PFKFB1: variants seen among roughly 807,000 people sequenced by gnomAD.
PFKFB1 encodes the protein 6-phosphofructo-2-kinase/fructose-2,6-biphosphatase 1, also known as 6-phosphofructo-2-kinase/fructose-2,6-bisphosphatase 1.
In PFKFB1, 34 loss-of-function variants were observed where a neutral mutation model predicts 46.4. The observed-to-expected ratio is 0.73, with a 90% CI of 0.56 to 0.98. The LOEUF is 0.98. Among genes scored for constraint, PFKFB1 ranks in the 50% least tolerant of loss-of-function variants. The pLI, the probability that PFKFB1 is intolerant of heterozygous loss-of-function variation, is 0.00. For missense variants in PFKFB1, 393 were observed against 376.3 expected (o/e 1.04, Z -0.37); for synonymous variants, 119 against 133.8 (o/e 0.89, Z 0.76).
intron 6 of PFKFB1, among the ~76,000 whole-genome samples, chrX:54,957,876 T>A (rs1312894034): frequency 9.0e-6 from 1 of 111,146 alleles, no homozygotes; most frequent in Non-Finnish European, 1.9e-5. Context: ...CAGTGATAGT[T>A]CTGGTATGAA....
chrX:54,998,388 C>A, upstream of PFKFB1: 1 of 1,143,376 alleles, frequency 8.7e-7, no homozygotes. Flanking sequence ...TGCCTACTTT[C>A]CCTTCTTTCT....
chrX:54,972,239 A>T (rs1230495288), intron 1 of PFKFB1, among the ~76,000 whole-genome samples: 1 of 110,577 alleles, frequency 9.0e-6, no homozygotes, highest in African/African-American at 3.3e-5. Flanking sequence ...AGATTTTGGG[A>T]TGAGACAATG....
At chrX:54,945,657 G>A in intron 9 of PFKFB1, 114 bp from the exon 10 acceptor site, 2 of 502,410 alleles carry the variant, frequency 4.0e-6, no homozygotes. Context: ...GGGTCTCTGT[G>A]AACACAGCTC....
At chrX:54,956,644 G>A (rs1486769635) in intron 6 of PFKFB1, among the ~76,000 whole-genome samples, 1 of 111,074 alleles carries the variant, frequency 9.0e-6, no homozygotes, top group Non-Finnish European at 1.9e-5. Context: ...GTGTTTACCG[G>A]GAGATTATGA....
At chrX:54,933,712 G>T in intron 13 of PFKFB1, 109 bp downstream of exon 13, 1 of 664,852 alleles carries the variant, frequency 1.5e-6, no homozygotes, top group Non-Finnish European at 2.4e-6. Flanking sequence ...CCATCTGTTG[G>T]TGCAAAACAC....
intron 1 of PFKFB1, among the ~76,000 whole-genome samples, chrX:54,974,126 C>A (rs750630246): frequency 9.0e-6 from 1 of 111,358 alleles, no homozygotes; most frequent in South Asian, 3.8e-4. Context: ...TCCTGAAACT[C>A]ATATGGAAGG....
Position 54,984,948 on chromosome X carries a change from T to C in PFKFB1, c.97+8963A>G, listed in dbSNP as rs778556615. ...TCACAGGGTAGGTTCCACACCAGGA[T>C]AGGCAAACTAAGACCAGAAGCTGCT... On this transcript the variant is annotated intron_variant, in intron 1 of 13. Coordinates refer to ENST00000375006, the MANE Select transcript of PFKFB1 (RefSeq NM_002625.4). 2.7e-5 allele frequency among the ~76,000 whole-genome samples: 3 copies of C among 110,744 alleles called. No homozygotes were observed. In the East Asian group the frequency reaches 8.5e-4, roughly 32 times the overall value.
At chrX:54,952,177 G>T in intron 7 of PFKFB1, 65 bp from the exon 8 acceptor site, 3 of 863,986 alleles carry the variant, frequency 3.5e-6, no homozygotes, top group Non-Finnish European at 5.0e-6. Context: ...TTGACCCCGA[G>T]AGAAACCCCG....
At chrX:54,973,982 TAA>T (rs1262218000) in intron 1 of PFKFB1, among the ~76,000 whole-genome samples, 7 of 111,466 alleles carry the variant, frequency 6.3e-5, no homozygotes, top group Non-Finnish European at 1.1e-4. Flanking sequence ...AAGAGCTACA[TAA>T]ATAGACATAC....
At position 54,951,914 on chromosome X, in the gene PFKFB1, G is replaced by A. The variant is rs749925058; in HGVS notation, c.837C>T (p.Arg279=). The stretch of plus-strand genomic sequence containing the variant: ...GTGTGGCCCACCCTACCTGCTTGCC[G>A]CGAACTGAGAGGCCAGAGTCACCTC... The part of the protein sequence containing the change: ...RIGGDSGLSV[R]GKQYAYALAN... The change falls in exon 8 of 14, where the codon CGC becomes CGT. Residue 279 remains arginine, a synonymous_variant. Transcript: ENST00000375006. The A allele has an allele frequency of 4.9e-5, 58 of 1,195,385 alleles. No individual in the cohort carries two copies. In the Middle Eastern group the frequency reaches 9.4e-4, roughly 19 times the overall value.
At chrX:54,939,048 C>T (rs1602173619) in intron 10 of PFKFB1, among the ~76,000 whole-genome samples, 1 of 111,863 alleles carries the variant, frequency 8.9e-6, no homozygotes, top group African/African-American at 3.3e-5. Flanking sequence ...GTCTCTCAGA[C>T]CACAGTGCAA....
chrX:54,996,690 G>A (rs769869894), upstream of PFKFB1, among the ~76,000 whole-genome samples: 4 of 112,024 alleles, frequency 3.6e-5, no homozygotes, highest in African/African-American at 1.3e-4. Flanking sequence ...TCAAGCTTCA[G>A]CCTATCTGTC....
chrX:54,945,427 C>A lies in PFKFB1; in HGVS notation c.1098+12G>T. 1 of 1,112,707 alleles carries A rather than the reference C, an allele frequency of 9.0e-7. No homozygotes were observed. Among genetic ancestry groups the A allele is most frequent in the Admixed American group, 2.2e-5 (1 of 44,975 alleles). 91.7% of individuals were successfully genotyped at this position (1,112,707 alleles called of 1,213,427 possible). On this transcript the variant is annotated intron_variant, in intron 10 of 13. Transcript: ENST00000375006. Reference sequence around the variant, plus strand: ...AGTAGTCCTAGGCATTAGGCCACCCCGCAAACCTTACCTCTCCCTTGGGAT... The same window carrying A: ...AGTAGTCCTAGGCATTAGGCCACCCAGCAAACCTTACCTCTCCCTTGGGAT...
At chrX:54,980,710 AACACAC>A (rs751759536) in intron 1 of PFKFB1, among the ~76,000 whole-genome samples, 1,416 of 83,286 alleles carry the variant, frequency 0.017, 26 homozygotes, top group African/African-American at 0.043. Flanking sequence ...AAAAAAAGCC[AACACAC>A]ACACACACAC....
chrX:54,979,212 G>A (rs759003191), intron 1 of PFKFB1, among the ~76,000 whole-genome samples: 1 of 111,405 alleles, frequency 9.0e-6, no homozygotes, highest in African/African-American at 3.3e-5. Context: ...CTTACTCCCA[G>A]GACAGACTTA....
intron 10 of PFKFB1, among the ~76,000 whole-genome samples, chrX:54,943,610 G>T (rs941153551): frequency 1.8e-5 from 2 of 110,447 alleles, no homozygotes; most frequent in Non-Finnish European, 3.8e-5. Flanking sequence ...AATTAGCCAG[G>T]TGTGGTGGCA....
chrX:54,988,414 T>C (rs1935158239), intron 1 of PFKFB1, among the ~76,000 whole-genome samples: 1 of 111,731 alleles, frequency 9.0e-6, no homozygotes, highest in African/African-American at 3.2e-5. Flanking sequence ...CTAACTAATC[T>C]ATAGATTAAA....
At chrX:54,985,396 G>A (rs1049992169) in intron 1 of PFKFB1, among the ~76,000 whole-genome samples, 4 of 111,502 alleles carry the variant, frequency 3.6e-5, no homozygotes, top group Non-Finnish European at 7.5e-5. Context: ...ACCCCCATGT[G>A]GGCTGACAGC....
chrX:54,946,532 G>A lies in PFKFB1; in HGVS notation c.994-989C>T, dbSNP rs1249514957. Among the ~76,000 whole-genome samples, 3 of 111,748 alleles carry A rather than the reference G, an allele frequency of 2.7e-5. No homozygotes were observed. In the Admixed American group the frequency reaches 2.8e-4, roughly 11 times the overall value. The stretch of plus-strand genomic sequence containing the variant: ...CATCTACCATGCCCCCATCAGGGGT[G>A]AGGAAGTGAACCCCTACCCCAACCC... On this transcript the variant is annotated intron_variant, in intron 9 of 13. Transcript: ENST00000375006.
Sources: allele counts gnomAD v4.1 joint callset (sites outside exome capture counted in the v4.1 genomes callset), GRCh38; gene constraint gnomAD v4.1.1; transcripts MANE v1.5; gene names NCBI Gene and HGNC (gene_info 2026-07-23, HGNC 2026-07-21).